MECOM: variants seen among roughly 807,000 people sequenced by gnomAD.
MECOM encodes histone-lysine N-methyltransferase MECOM.
Under a neutral mutation model 116.3 loss-of-function variants are expected in MECOM, and 13 were observed. The observed-to-expected ratio is 0.11, with a 90% confidence interval of 0.07 to 0.18. The LOEUF is 0.18. Ranked by LOEUF, MECOM falls within the 10% of genes least tolerant of loss-of-function variation. MECOM has a pLI of 1.00. For synonymous variants in MECOM, 528 were observed against 535.2 expected (o/e 0.99, Z 0.19); for missense variants, 1,299 against 1,509.0 (o/e 0.86, Z 2.31).
Position 169,116,052 on chromosome 3 carries a change from C to T in MECOM, c.1820G>A (p.Ser607Asn). 2.5e-6 allele frequency: 4 copies of T among 1,614,152 alleles called. No individual in the cohort carries two copies. The highest frequency in any genetic ancestry group is 3.4e-6 in the Non-Finnish European group (4 of 1,180,026). The stretch of plus-strand genomic sequence containing the variant: ...ATTTTCTTTAAATTTCTCTTTATCA[C>T]TTTCAATGTCACTTTCCAGATCAGA... ...SGSDLESDIE[S>N]DKEKFKENGK... The change falls in exon 8 of 17, where the codon AGT becomes AAT. Residue 607 changes from serine to asparagine, a missense_variant. By Grantham distance (46) the Ser-to-Asn change is conservative. Transcript: ENST00000651503.
chr3:169,134,507 T>G (rs1424390647), intron 3 of MECOM, among the ~76,000 whole-genome samples: 2 of 152,200 alleles, frequency 1.3e-5, no homozygotes, highest in Non-Finnish European at 2.9e-5. Flanking sequence ...AACTGAGGTT[T>G]GAAAAGAACT....
At chr3:169,211,884 G>A (rs773771736) in intron 2 of MECOM, among the ~76,000 whole-genome samples, 1 of 151,974 alleles carries the variant, frequency 6.6e-6, no homozygotes, top group Non-Finnish European at 1.5e-5. Flanking sequence ...AGTTTCCTTA[G>A]TACGGAACTT....
At chr3:169,462,993 A>G (rs1260457940) in intron 1 of MECOM, among the ~76,000 whole-genome samples, 1 of 152,214 alleles carries the variant, frequency 6.6e-6, no homozygotes, top group Non-Finnish European at 1.5e-5. Flanking sequence ...CAATAGGACA[A>G]AAAGTTTTCC....
chr3:169,474,987 C>A (rs1750114507), intron 1 of MECOM, among the ~76,000 whole-genome samples: 1 of 152,088 alleles, frequency 6.6e-6, no homozygotes, highest in African/African-American at 2.4e-5. Flanking sequence ...CTAGTAGGGG[C>A]CAAGCTGAGT....
At chr3:169,300,690 G>T (rs559559665) in intron 2 of MECOM, among the ~76,000 whole-genome samples, 47 of 152,200 alleles carry the variant, frequency 3.1e-4, no homozygotes, top group African/African-American at 7.7e-4. Context: ...CTCACTTCTT[G>T]CTATCTTTGT....
intron 2 of MECOM, chr3:169,147,588 T>C (rs1250198749): frequency 1.0e-6 from 1 of 985,274 alleles, no homozygotes; most frequent in Admixed American, 6.1e-5. Flanking sequence ...AGACTGATTA[T>C]GGATGCACCA....
At chr3:169,596,319 CAA>C (rs1195202211) in intron 1 of MECOM, among the ~76,000 whole-genome samples, 1 of 152,132 alleles carries the variant, frequency 6.6e-6, no homozygotes, top group African/African-American at 2.4e-5. Flanking sequence ...GAACATGAAA[CAA>C]GAGAAGGAAG....
chr3:169,596,026 G>A (rs969902709), intron 1 of MECOM, among the ~76,000 whole-genome samples: 2 of 152,178 alleles, frequency 1.3e-5, no homozygotes, highest in Non-Finnish European at 2.9e-5. Flanking sequence ...AAGATGAATC[G>A]ATAAACTAGC....
intron 1 of MECOM, among the ~76,000 whole-genome samples, chr3:169,413,021 A>G (rs988569252): frequency 1.3e-5 from 2 of 152,262 alleles, no homozygotes; most frequent in African/African-American, 4.8e-5. Flanking sequence ...AATATATAAA[A>G]GCAGATTTCC....
At position 169,313,593 on chromosome 3, in the gene MECOM, G is replaced by A. The variant is rs12630509; in HGVS notation, c.375+67594C>T. Among the ~76,000 whole-genome samples, 1,760 of 152,278 alleles carry A rather than the reference G, an allele frequency of 0.012. 84 individuals are homozygous for A. In the East Asian group the frequency reaches 0.17, roughly 15 times the overall value. ...TGACAGAAGGAAAGGCAGAATAAGA[G>A]GGGACAGATACAGGAGGCTTGGTTG... is the stretch of plus-strand genomic sequence containing the variant. On this transcript the variant is annotated intron_variant, in intron 2 of 16. Coordinates refer to ENST00000651503, the MANE Select transcript of MECOM (RefSeq NM_004991.4).
intron 1 of MECOM, among the ~76,000 whole-genome samples, chr3:169,572,367 A>T (rs1310070013): frequency 2.0e-5 from 3 of 152,364 alleles, no homozygotes; most frequent in African/African-American, 7.2e-5. Context: ...ATGTGGAGAA[A>T]TAGGAACACT....
At chr3:169,126,078 C>G (rs543118990) in intron 5 of MECOM, among the ~76,000 whole-genome samples, 2 of 152,186 alleles carry the variant, frequency 1.3e-5, no homozygotes, top group Middle Eastern at 6.8e-3. Flanking sequence ...TATGGCTGGA[C>G]TACCAAAATA....
At chr3:169,342,617 G>A (rs552215332) in intron 2 of MECOM, among the ~76,000 whole-genome samples, 2 of 152,220 alleles carry the variant, frequency 1.3e-5, no homozygotes, top group Admixed American at 1.3e-4. Context: ...TAAAGCAACT[G>A]CTTGATGATA....
intron 1 of MECOM, among the ~76,000 whole-genome samples, chr3:169,432,251 C>A (rs915433240): frequency 3.9e-5 from 6 of 151,966 alleles, no homozygotes; most frequent in African/African-American, 9.7e-5. Context: ...CTCTGCCTCC[C>A]AGGTTCAGGT....
intron 1 of MECOM, among the ~76,000 whole-genome samples, chr3:169,650,926 A>T (rs1774821878): frequency 6.6e-6 from 1 of 152,178 alleles, no homozygotes; most frequent in African/African-American, 2.4e-5. Context: ...CTTTAAAAAG[A>T]ATGGTTTAGA....
At chr3:169,158,758 TA>T (rs1358368575) in intron 2 of MECOM, among the ~76,000 whole-genome samples, 1 of 152,218 alleles carries the variant, frequency 6.6e-6, no homozygotes, top group Non-Finnish European at 1.5e-5. Context: ...CAGTAAGATG[TA>T]AATTCACTGA....
At chr3:169,097,315 T>C (rs1053973283) in intron 12 of MECOM, among the ~76,000 whole-genome samples, 3 of 152,072 alleles carry the variant, frequency 2.0e-5, no homozygotes, top group Non-Finnish European at 4.4e-5. Context: ...TTACTTTCTA[T>C]CTCTCCTCTG....
intron 1 of MECOM, among the ~76,000 whole-genome samples, chr3:169,605,207 A>G (rs1768374844): frequency 6.6e-6 from 1 of 152,184 alleles, no homozygotes; most frequent in Admixed American, 6.5e-5. Flanking sequence ...CCTCCCAAGT[A>G]ACTGCCAGCC....
At chr3:169,255,833 T>G (rs1756797582) in intron 2 of MECOM, among the ~76,000 whole-genome samples, 1 of 152,190 alleles carries the variant, frequency 6.6e-6, no homozygotes, top group South Asian at 2.1e-4. Context: ...TTAGCAACTC[T>G]GTCACAGGCT....
Sources: gnomAD v4.1 joint callset for allele counts (sites outside exome capture counted in the v4.1 genomes callset) on GRCh38, gnomAD v4.1.1 for gene constraint, MANE v1.5 for transcripts, NCBI Gene and HGNC (gene_info 2026-07-23, HGNC 2026-07-21) for gene names.